Variants in EBF2 observed in about 807,000 individuals in gnomAD.
EBF2 encodes the protein EBF transcription factor 2.
A neutral mutation model predicts 72.8 loss-of-function variants in EBF2; 21 were observed. The ratio of observed to expected loss-of-function variants is 0.29; its 90% CI spans 0.20 to 0.42. The LOEUF is 0.42. EBF2 is among the 10% of genes least tolerant of loss of function. The probability of loss-of-function intolerance (pLI) is 1.00; values close to 1 mark genes in which losing one functional copy is unlikely to be tolerated. For missense variants in EBF2, 637 were observed against 731.2 expected, an observed-to-expected ratio of 0.87 and a Z score of 1.49; for synonymous variants, 299 against 274.2, an observed-to-expected ratio of 1.09 and a Z score of -0.89.
chr8:25,956,732 C>T (rs1038667657), intron 6 of EBF2, among the ~76,000 whole-genome samples: 3 of 152,202 alleles, frequency 2.0e-5, no homozygotes, highest in Non-Finnish European at 4.4e-5. Context: ...CCCTACAGGG[C>T]AGGTGGGGCC....
At chr8:25,927,663 CA>C (rs771986341) in intron 6 of EBF2, among the ~76,000 whole-genome samples, 1 of 152,050 alleles carries the variant, frequency 6.6e-6, no homozygotes, top group African/African-American at 2.4e-5. Context: ...GAAGAGGGGA[CA>C]GGGGAGAGGA....
chr8:25,960,024 G>T (rs1284501752), intron 6 of EBF2, among the ~76,000 whole-genome samples: 1 of 152,166 alleles, frequency 6.6e-6, no homozygotes, highest in Non-Finnish European at 1.5e-5. Context: ...TTCTGGTCGG[G>T]TGAACTTTGA....
At chr8:25,893,965 A>C (rs117327116) in intron 7 of EBF2, among the ~76,000 whole-genome samples, 1 of 152,326 alleles carries the variant, frequency 6.6e-6, no homozygotes, top group East Asian at 1.9e-4. Context: ...GTGTCCATAA[A>C]ATTTATTACA....
intron 6 of EBF2, among the ~76,000 whole-genome samples, chr8:25,918,845 C>T (rs940171568): frequency 1.3e-5 from 2 of 152,142 alleles, no homozygotes; most frequent in East Asian, 1.9e-4. Context: ...TTCTATCCGT[C>T]GGATCTTCCA....
At chr8:25,864,714 T>C (rs1254980256) in intron 10 of EBF2, among the ~76,000 whole-genome samples, 3 of 152,192 alleles carry the variant, frequency 2.0e-5, no homozygotes, top group African/African-American at 7.2e-5. Context: ...GTCACCCTAT[T>C]GAGGTTGTAA....
chr8:26,002,204 T>C (rs749023138), intron 6 of EBF2, among the ~76,000 whole-genome samples: 31 of 152,148 alleles, frequency 2.0e-4, no homozygotes, highest in Admixed American at 7.2e-4. Context: ...CTTGTGGTCA[T>C]CTTGCCTAAG....
At chr8:25,963,541 G>A (rs1336829831) in intron 6 of EBF2, among the ~76,000 whole-genome samples, 1 of 152,094 alleles carries the variant, frequency 6.6e-6, no homozygotes, top group Non-Finnish European at 1.5e-5. Context: ...TAGAGAACAG[G>A]AATGAAAACA....
chr8:26,033,024 G>A, intron 6 of EBF2, 61 bp downstream of exon 6: 1 of 1,468,786 alleles, frequency 6.8e-7, no homozygotes, highest in Non-Finnish European at 9.5e-7. Context: ...TCAGTACTCA[G>A]AGTTGAGGTT....
rs114484039 is a variant in EBF2, at chr8:25,895,783, A to G, written c.634-5914T>C. ...ATCTGCCTGAACAGCTAATTTTCCA[A>G]TAGAGGAGTTATTTCTTTAGTTATC... On this transcript the variant is annotated intron_variant, in intron 7 of 15. Coordinates refer to ENST00000520164, the MANE Select transcript of EBF2 (RefSeq NM_022659.4). Among the ~76,000 whole-genome samples, 395 of 152,302 alleles carry G rather than the reference A, an allele frequency of 2.6e-3. 2 individuals carry two copies. Among genetic ancestry groups the G allele is most frequent in the African/African-American group, 9.2e-3 (381 of 41,564 alleles).
At chr8:25,876,451 A>C (rs1202702469) in intron 10 of EBF2, among the ~76,000 whole-genome samples, 1 of 152,216 alleles carries the variant, frequency 6.6e-6, no homozygotes, top group Non-Finnish European at 1.5e-5. Context: ...ATAAAAAATA[A>C]AATAAAATAC....
chr8:25,887,984 G>A lies in EBF2; in HGVS notation c.752-12C>T. 1 of 1,595,328 alleles carries A rather than the reference G, an allele frequency of 6.3e-7. No homozygotes were observed. Among genetic ancestry groups the A allele is most frequent in the Admixed American group, 1.8e-5 (1 of 55,478 alleles). Reference sequence around the variant, plus strand: ...GATGCAGGGGGTAGCTAAGAAGACAGGAAAGAAAAAGTCAGGTTTGTTCTT... The same window carrying A: ...GATGCAGGGGGTAGCTAAGAAGACAAGAAAGAAAAAGTCAGGTTTGTTCTT... On this transcript the variant is annotated splice_polypyrimidine_tract_variant and intron_variant, in intron 8 of 15. Coordinates refer to ENST00000520164, the MANE Select transcript of EBF2 (RefSeq NM_022659.4).
intron 10 of EBF2, among the ~76,000 whole-genome samples, chr8:25,863,471 G>T (rs1056256709): frequency 6.6e-6 from 1 of 152,004 alleles, no homozygotes; most frequent in Non-Finnish European, 1.5e-5. Context: ...ATTAATGAAT[G>T]GCATACTTTA....
At chr8:25,945,293 C>A (rs1803748705) in intron 6 of EBF2, among the ~76,000 whole-genome samples, 1 of 152,108 alleles carries the variant, frequency 6.6e-6, no homozygotes, top group African/African-American at 2.4e-5. Flanking sequence ...ATATCTCCCC[C>A]ATTCTATATT....
chr8:26,023,860 CA>C (rs1805246488), intron 6 of EBF2, among the ~76,000 whole-genome samples: 1 of 152,060 alleles, frequency 6.6e-6, no homozygotes. Context: ...GAGTATCTGG[CA>C]GGGAAAAAAC....
intron 6 of EBF2, among the ~76,000 whole-genome samples, chr8:25,936,950 A>G (rs566236130): frequency 1.9e-4 from 28 of 147,872 alleles, no homozygotes; most frequent in Non-Finnish European, 4.1e-4. Context: ...CTTAATTCCT[A>G]TTAAAGACCG....
intron 6 of EBF2, among the ~76,000 whole-genome samples, chr8:26,027,315 T>A (rs1359468910): frequency 6.6e-6 from 1 of 151,892 alleles, no homozygotes; most frequent in African/African-American, 2.4e-5. Flanking sequence ...ACAAGTTACT[T>A]CATGAGGCAG....
Position 26,041,017 on chromosome 8 carries a change from A to G in EBF2, c.289-15T>C. On this transcript the variant is annotated splice_polypyrimidine_tract_variant and intron_variant, in intron 2 of 15. Coordinates refer to ENST00000520164, the MANE Select transcript of EBF2 (RefSeq NM_022659.4). ...TTGCCTTGTTCCTGAAAAGACAGGC[A>G]GCGTTCGATTCCCTTGCCTTTCAGC... 1 of 1,613,928 alleles carries G rather than the reference A, an allele frequency of 6.2e-7. No homozygotes were observed. Among genetic ancestry groups the G allele is most frequent in the Non-Finnish European group, 8.5e-7 (1 of 1,179,948 alleles).
chr8:25,950,220 G>T (rs1190753856), intron 6 of EBF2, among the ~76,000 whole-genome samples: 2 of 152,174 alleles, frequency 1.3e-5, no homozygotes, highest in African/African-American at 4.8e-5. Context: ...CTTTTGCAAA[G>T]ACCTCTCTTC....
rs1333154660 is a variant in EBF2, at chr8:25,887,896, G to A, written c.828C>T (p.Asp276=). The A allele has an allele frequency of 2.9e-5, 46 of 1,613,664 alleles. No individual in the cohort carries two copies. The highest frequency in any genetic ancestry group is 3.7e-5 in the Non-Finnish European group (44 of 1,179,868). Reference sequence around the variant, plus strand: ...CCACTTGGAGACCATCAAAGAAGTTGTCCCCGATGATGATGACCATGGCTC... The same window carrying A: ...CCACTTGGAGACCATCAAAGAAGTTATCCCCGATGATGATGACCATGGCTC... The part of the protein sequence containing the change: ...TGGAMVIIIG[D]NFFDGLQVVF... The change falls in exon 9 of 16, where the codon GAC becomes GAT. Residue 276 remains aspartate, a synonymous_variant. Coordinates refer to ENST00000520164, the MANE Select transcript of EBF2 (RefSeq NM_022659.4).
Sources: gnomAD v4.1 joint callset for allele counts (sites outside exome capture counted in the v4.1 genomes callset) on GRCh38, gnomAD v4.1.1 for gene constraint, MANE v1.5 for transcripts, NCBI Gene and HGNC (gene_info 2026-07-23, HGNC 2026-07-21) for gene names.